The following CADM1 variants were observed in gnomAD, a reference collection of about 807,000 sequenced individuals.
The protein encoded by CADM1 is cell adhesion molecule 1.
A neutral mutation model predicts 53.1 loss-of-function variants in CADM1; 15 were observed. The ratio of observed to expected loss-of-function variants is 0.28; its 90% confidence interval spans 0.19 to 0.44. CADM1 has a LOEUF of 0.44. Ranked by LOEUF, CADM1 falls within the 20% of genes least tolerant of loss-of-function variation. The pLI is 1.00. For synonymous variants in CADM1, 281 were observed against 243.0 expected (o/e 1.16, Z -1.45); for missense variants, 434 against 611.3 (o/e 0.71, Z 3.06).
At chr11:115,420,612 G>T (rs1398644384) in intron 1 of CADM1, among the ~76,000 whole-genome samples, 1 of 152,136 alleles carries the variant, frequency 6.6e-6, no homozygotes, top group Non-Finnish European at 1.5e-5. Flanking sequence ...AGATGGACAG[G>T]TCTCCAGCCA....
intron 1 of CADM1, among the ~76,000 whole-genome samples, chr11:115,326,165 T>G (rs1330893260): frequency 6.6e-6 from 1 of 152,202 alleles, no homozygotes; most frequent in Non-Finnish European, 1.5e-5. Flanking sequence ...GGAGCTGTTC[T>G]GTATAATAAA....
intron 10 of CADM1, among the ~76,000 whole-genome samples, chr11:115,179,847 C>A (rs1044431833): frequency 6.6e-6 from 1 of 152,106 alleles, no homozygotes; most frequent in African/African-American, 2.4e-5. Flanking sequence ...TTTGTGAAGT[C>A]ATATGTGAAG....
intron 8 of CADM1, among the ~76,000 whole-genome samples, chr11:115,205,776 C>T (rs558825629): frequency 3.3e-5 from 5 of 152,244 alleles, no homozygotes; most frequent in Admixed American, 6.5e-5. Flanking sequence ...CAAGGAACCT[C>T]GTGGCAAATC....
At chr11:115,257,410 A>C (rs1190742233) in intron 1 of CADM1, among the ~76,000 whole-genome samples, 1 of 152,184 alleles carries the variant, frequency 6.6e-6, no homozygotes, top group Non-Finnish European at 1.5e-5. Flanking sequence ...TATGTTATTA[A>C]ATTGTAGCAC....
At chr11:115,446,471 A>T (rs147333088) in intron 1 of CADM1, among the ~76,000 whole-genome samples, 2 of 152,320 alleles carry the variant, frequency 1.3e-5, no homozygotes, top group African/African-American at 4.8e-5. Context: ...CTGCCAAAAG[A>T]TGTTAAACTA....
chr11:115,287,010 A>G (rs551637752), intron 1 of CADM1, among the ~76,000 whole-genome samples: 13 of 152,352 alleles, frequency 8.5e-5, no homozygotes, highest in Admixed American at 7.2e-4. Context: ...CACAAAATCA[A>G]TAAAAGAGAA....
chr11:115,374,176 G>A (rs1232095336), intron 1 of CADM1, among the ~76,000 whole-genome samples: 2 of 152,036 alleles, frequency 1.3e-5, no homozygotes, highest in African/African-American at 4.8e-5. Flanking sequence ...AGATGAGCCT[G>A]GAATATCTTA....
At chr11:115,469,258 A>G (rs1040869917) in intron 1 of CADM1, among the ~76,000 whole-genome samples, 1 of 152,236 alleles carries the variant, frequency 6.6e-6, no homozygotes, top group Non-Finnish European at 1.5e-5. Context: ...AAAAATAATA[A>G]TAGCTGACAT....
chr11:115,180,121 C>T (rs573239839), intron 10 of CADM1, among the ~76,000 whole-genome samples: 3 of 152,124 alleles, frequency 2.0e-5, no homozygotes, highest in Admixed American at 1.3e-4. Context: ...TCTTTTGAGC[C>T]GAAACCTGAT....
intron 1 of CADM1, among the ~76,000 whole-genome samples, chr11:115,388,913 A>C (rs1946766102): frequency 6.6e-6 from 1 of 152,122 alleles, no homozygotes; most frequent in African/African-American, 2.4e-5. Flanking sequence ...ACCAAACTGA[A>C]ATATGGAGAA....
At chr11:115,472,166 G>C (rs1356957102) in intron 1 of CADM1, among the ~76,000 whole-genome samples, 1 of 152,232 alleles carries the variant, frequency 6.6e-6, no homozygotes, top group Admixed American at 6.5e-5. Context: ...GCTTATTTGT[G>C]AGGATGAGGA....
At chr11:115,190,689 C>G (rs1345468368) in intron 10 of CADM1, 199 bp downstream of exon 10, 1 of 554,724 alleles carries the variant, frequency 1.8e-6, no homozygotes, top group African/African-American at 1.9e-5. Context: ...GTCCCCATTC[C>G]GAAATATAAA....
chr11:115,338,381 T>C (rs1206943953), intron 1 of CADM1, among the ~76,000 whole-genome samples: 2 of 152,124 alleles, frequency 1.3e-5, no homozygotes, highest in Non-Finnish European at 2.9e-5. Flanking sequence ...ATTTAAACTG[T>C]TTAAATATTT....
intron 1 of CADM1, among the ~76,000 whole-genome samples, chr11:115,324,601 T>C (rs1041881597): frequency 2.6e-5 from 4 of 152,122 alleles, no homozygotes; most frequent in African/African-American, 9.7e-5. Context: ...GATAGAACCT[T>C]TTCTTCCATA....
intron 1 of CADM1, among the ~76,000 whole-genome samples, chr11:115,245,370 T>C (rs1177535860): frequency 6.6e-6 from 1 of 152,184 alleles, no homozygotes; most frequent in Non-Finnish European, 1.5e-5. Flanking sequence ...GTTCTTGAAA[T>C]TTTACACAAA....
chr11:115,181,833 C>T (rs1230327704), intron 10 of CADM1, among the ~76,000 whole-genome samples: 1 of 152,214 alleles, frequency 6.6e-6, no homozygotes, highest in African/African-American at 2.4e-5. Context: ...GAGCTGCCTG[C>T]ACCTGCGGGC....
intron 1 of CADM1, among the ~76,000 whole-genome samples, chr11:115,351,543 C>G (rs990474165): frequency 1.3e-5 from 2 of 152,246 alleles, no homozygotes; most frequent in East Asian, 3.9e-4. Context: ...AATCAGCGAG[C>G]AATGAAGTCT....
chr11:115,357,074 T>G (rs1565384303), intron 1 of CADM1, among the ~76,000 whole-genome samples: 1 of 152,108 alleles, frequency 6.6e-6, no homozygotes, highest in Non-Finnish European at 1.5e-5. Flanking sequence ...TGAAGAAAAT[T>G]GAAATATATG....
chr11:115,358,574 G>A (rs1041175234), intron 1 of CADM1, among the ~76,000 whole-genome samples: 2 of 152,112 alleles, frequency 1.3e-5, no homozygotes, highest in Non-Finnish European at 2.9e-5. Context: ...GGAATTACGG[G>A]AGCTACGATT....
Sources: allele counts gnomAD v4.1 joint callset (sites outside exome capture counted in the v4.1 genomes callset), GRCh38; gene constraint gnomAD v4.1.1; transcripts MANE v1.5; gene names NCBI Gene and HGNC (gene_info 2026-07-23, HGNC 2026-07-21).